Variants in MYH8 observed in about 807,000 individuals in gnomAD.
MYH8 encodes myosin heavy chain 8.
In MYH8, 168 loss-of-function variants were observed where a neutral mutation model predicts 233.2. The ratio of observed to expected loss-of-function variants is 0.72; its 90% CI spans 0.64 to 0.82. MYH8 has a LOEUF of 0.82. MYH8 is among the 40% of genes least tolerant of loss of function. The probability of loss-of-function intolerance (pLI) is 0.00; values close to 1 mark genes in which losing one functional copy is unlikely to be tolerated. For missense variants in MYH8, 1,995 were observed against 2,327.8 expected (o/e 0.86, Z 2.94); for synonymous variants, 785 against 850.6 (o/e 0.92, Z 1.34).
In MYH8 at chr17:10,395,181, T is replaced by G; in HGVS notation, c.4914A>C (p.Leu1638Phe). 1 of 1,614,122 alleles carries G rather than the reference T, an allele frequency of 6.2e-7. No homozygotes were observed. Among genetic ancestry groups the G allele is most frequent in the African/African-American group, 1.3e-5 (1 of 75,030 alleles). Reference sequence around the variant, plus strand: ...TGTAGTTCCTTAAACTCTCTGCAGCTAAGCGATTGGCATGGTTCAGCTGGA... The same window carrying G: ...TGTAGTTCCTTAAACTCTCTGCAGCGAAGCGATTGGCATGGTTCAGCTGGA... ...MEIQLNHANR[L>F]AAESLRNYRN... The change falls in exon 34 of 40, where the codon TTA becomes TTC. Residue 1638 changes from leucine to phenylalanine, a missense_variant. By Grantham distance (22) the Leu-to-Phe change is conservative. Coordinates refer to ENST00000403437, the MANE Select transcript of MYH8 (RefSeq NM_002472.3).
At chr17:10,395,009 A>T in intron 34 of MYH8, 124 bp downstream of exon 34, 2 of 1,061,274 alleles carry the variant, frequency 1.9e-6, no homozygotes, top group Non-Finnish European at 2.9e-6. Context: ...TAATTCAGTT[A>T]CCTTTGTGCG....
chr17:10,392,374 C>A (rs1230424276), intron 38 of MYH8, among the ~76,000 whole-genome samples, 168 bp downstream of exon 38: 1 of 152,166 alleles, frequency 6.6e-6, no homozygotes, highest in Non-Finnish European at 1.5e-5. Context: ...AATCTGAAGG[C>A]CTCCCTAAGT....
At chr17:10,404,823 G>A (rs994758673) in intron 21 of MYH8, among the ~76,000 whole-genome samples, 1 of 151,900 alleles carries the variant, frequency 6.6e-6, no homozygotes, top group African/African-American at 2.4e-5. Flanking sequence ...ATATGAGTAC[G>A]GTTCATATTG....
At position 10,409,296 on chromosome 17, in the gene MYH8, T is replaced by C. The variant is rs752012893; in HGVS notation, c.1880A>G (p.Tyr627Cys). The C allele has an allele frequency of 6.2e-7, 1 of 1,614,264 alleles. No homozygotes were observed. The highest frequency in any genetic ancestry group is 1.1e-5 in the South Asian group (1 of 91,086). ...GAAAGTACCTGCTTCAGCACTAGCA[T>C]ACGTGGAAAAGAGACTGGCTAGAGT... is the stretch of plus-strand genomic sequence containing the variant. The part of the protein sequence containing the change: ...MKTLASLFST[Y>C]ASAEADSSAK... Residue 627 changes from tyrosine (Y) to cysteine (C), a missense_variant, in exon 16 of 40, where the codon TAT becomes TGT. Physicochemically the swap from Tyr to Cys is radical, Grantham distance 194. Transcript: ENST00000403437.
chr17:10,415,728 C>A lies in MYH8; in HGVS notation c.512-20G>T. The stretch of plus-strand genomic sequence containing the variant: ...CTCGATCTGTGAAAGAATTCAAAAT[C>A]ATCCGTTAAAAAATGCATATTTAAT... On this transcript the variant is annotated intron_variant, in intron 5 of 39. Coordinates refer to ENST00000403437, the MANE Select transcript of MYH8 (RefSeq NM_002472.3). The surrounding 1 kb of genome is among the most constrained non-coding windows in gnomAD (Gnocchi z 4.1). The A allele has an allele frequency of 6.2e-7, 1 of 1,610,590 alleles. No homozygotes were observed. Among genetic ancestry groups the A allele is most frequent in the Non-Finnish European group, 8.5e-7 (1 of 1,177,722 alleles).
At chr17:10,418,502 C>T in intron 5 of MYH8, 143 bp downstream of exon 5, 2 of 1,459,888 alleles carry the variant, frequency 1.4e-6, no homozygotes, top group South Asian at 2.4e-5. Flanking sequence ...TAAGATGTCA[C>T]AGCTGTGAAA....
Position 10,396,334 on chromosome 17 carries a change from G to T in MYH8, c.4649C>A (p.Ala1550Glu), listed in dbSNP as rs1344875858. ...KCEIQAALEE[A>E]EASLEHEEGK... The stretch of plus-strand genomic sequence containing the variant: ...ATAATACAAGGTAATATGTACCTCT[G>T]CTTCCTCTAAAGCAGCCTGAATTTC... The change falls in exon 33 of 40, where the codon GCA becomes GAA. Residue 1550 changes from alanine (A) to glutamate (E), a missense_variant. Transcript: ENST00000403437. This position sits in a 1 kb window ranked among gnomAD's most constrained non-coding sequence, Gnocchi z 4.2. The T allele has an allele frequency of 6.2e-7, 1 of 1,613,780 alleles. No individual in the cohort carries two copies. The highest frequency in any genetic ancestry group is 8.5e-7 in the Non-Finnish European group (1 of 1,179,952).
chr17:10,398,723 C>G, intron 29 of MYH8, 45 bp downstream of exon 29: 1 of 1,612,732 alleles, frequency 6.2e-7, no homozygotes, highest in East Asian at 2.2e-5. Context: ...CCTAACTGGG[C>G]AGGTTTAGAT....
Position 10,390,452 on chromosome 17 carries a change from G to A in MYH8, c.*2C>T, listed in dbSNP as rs1190316794. ...CCTCTTGATAGCATCAGGCAGGTGT[G>A]TTTACTCTGCACTGATTTTTGTGTG... On this transcript the variant is annotated 3_prime_UTR_variant, in exon 40 of 40. Coordinates refer to ENST00000403437, the MANE Select transcript of MYH8 (RefSeq NM_002472.3). 2 of 1,613,188 alleles carry A rather than the reference G, an allele frequency of 1.2e-6. No individual in the cohort carries two copies. The highest frequency in any genetic ancestry group is 1.1e-5 in the South Asian group (1 of 91,050).
intron 39 of MYH8, 27 bp from the exon 40 acceptor site, chr17:10,390,630 A>G (rs763035436): frequency 1.2e-6 from 2 of 1,612,164 alleles, no homozygotes; most frequent in East Asian, 4.5e-5. Context: ...AATTGTGAGA[A>G]TTAGACTGTG....
At position 10,418,648 on chromosome 17, in the gene MYH8, T is replaced by C; in HGVS notation, c.508A>G (p.Thr170Ala). ...ISDNAYQFMLTDRENQSILIT... is the reference protein window; with the variant it reads ...ISDNAYQFMLADRENQSILIT... ...AATAGATGCCTCACTCACTCACCAGTCAACATGAACTGATAGGCATTGTCA... is the reference window on the plus strand; with the variant it reads ...AATAGATGCCTCACTCACTCACCAGCCAACATGAACTGATAGGCATTGTCA... Residue 170 changes from threonine (T) to alanine (A), a missense_variant, in exon 5 of 40, where the codon ACT (threonine) becomes GCT (alanine). This residue lies in a region of MYH8 where 479 missense variants were observed against 600.9 expected (regional missense o/e 0.80). Transcript: ENST00000403437. 1 of 1,613,910 alleles carries C rather than the reference T, an allele frequency of 6.2e-7. No individual in the cohort carries two copies. The highest frequency in any genetic ancestry group is 8.5e-7 in the Non-Finnish European group (1 of 1,179,866).
At position 10,392,790 on chromosome 17, in the gene MYH8, C is replaced by T. The variant is rs780175815; in HGVS notation, c.5463+41G>A. ...GAAGAGAGAAGGGTAGAGAGAGTGC[C>T]CTTTTTCCCTTCCCAGATTTAGAGA... On this transcript the variant is annotated intron_variant, in intron 37 of 39. Transcript: ENST00000403437. The T allele has an allele frequency of 5.6e-6, 9 of 1,614,092 alleles. No homozygotes were observed. In the South Asian group the frequency reaches 9.9e-5, roughly 18 times the overall value.
At position 10,412,680 on chromosome 17, in the gene MYH8, A is replaced by C; in HGVS notation, c.1196T>G (p.Leu399Arg). The C allele has an allele frequency of 6.2e-7, 1 of 1,614,220 alleles. No homozygotes were observed. Among genetic ancestry groups the C allele is most frequent in the East Asian group, 2.2e-5 (1 of 44,892 alleles). Residue 399 changes from leucine (L) to arginine (R), a missense_variant, in exon 13 of 40, where the codon CTC (leucine) becomes CGC (arginine). Transcript: ENST00000403437. ...YLQSLNSADL[L>R]KALCYPRVKV... ...GACCCTAGGGTAGCAGAGGGCTTTGAGTAGGTCTGCAGAGTTCAGACTCTG... is the reference window on the plus strand; with the variant it reads ...GACCCTAGGGTAGCAGAGGGCTTTGCGTAGGTCTGCAGAGTTCAGACTCTG...
At chr17:10,391,790 CTT>C in intron 39 of MYH8, 90 bp downstream of exon 39, 1 of 981,272 alleles carries the variant, frequency 1.0e-6, no homozygotes, top group Non-Finnish European at 1.7e-6. Flanking sequence ...TAGATTTTCA[CTT>C]TGTCTTCTTC....
In MYH8 at chr17:10,406,378, T is replaced by G. The variant is rs767246642; in HGVS notation, c.2191A>C (p.Ser731Arg). Residue 731 changes from serine (S) to arginine (R), a missense_variant, in exon 20 of 40, where the codon AGT becomes CGT. This residue lies in a region of MYH8 where 1,498 missense variants were observed against 1,680.9 expected (regional missense o/e 0.89). Coordinates refer to ENST00000403437, the MANE Select transcript of MYH8 (RefSeq NM_002472.3). The stretch of plus-strand genomic sequence containing the variant: ...ATGAACTGTCCCTCTGGAATAGCAC[T>G]TGCATTTAAAACCTTGTATCTGCTC... ...FKQRYKVLNA[S>R]AIPEGQFIDS... 2.5e-6 allele frequency: 4 copies of G among 1,614,048 alleles called. No individual in the cohort carries two copies. Among genetic ancestry groups the G allele is most frequent in the Admixed American group, 1.7e-5 (1 of 60,028 alleles).
At chr17:10,398,356 T>A (rs2072098069) in intron 30 of MYH8, 88 bp downstream of exon 30, 1 of 1,592,562 alleles carries the variant, frequency 6.3e-7, no homozygotes, top group Admixed American at 1.7e-5. Flanking sequence ...ACTCAATAAA[T>A]GTTAGCTTTT....
At chr17:10,397,031 G>T in intron 30 of MYH8, 45 bp from the exon 31 acceptor site, 2 of 1,599,446 alleles carry the variant, frequency 1.3e-6, no homozygotes, top group Non-Finnish European at 8.6e-7. Flanking sequence ...AAGACCAGAA[G>T]CAAAGTGATA....
chr17:10,397,562 T>C (rs561469543), intron 30 of MYH8, among the ~76,000 whole-genome samples: 197 of 152,350 alleles, frequency 1.3e-3, no homozygotes, highest in African/African-American at 4.6e-3. Context: ...GTGCTGCCAT[T>C]GTATGCGCCT....
chr17:10,397,819 G>A (rs1039899474), intron 30 of MYH8, among the ~76,000 whole-genome samples: 2 of 151,966 alleles, frequency 1.3e-5, no homozygotes, highest in Non-Finnish European at 2.9e-5. Flanking sequence ...CATTATAGTT[G>A]GACAATCTCT....
Sources: gnomAD v4.1 joint callset for allele counts (sites outside exome capture counted in the v4.1 genomes callset) on GRCh38, gnomAD v4.1.1 for gene constraint, gnomAD v4.1.1 regional missense constraint, Gnocchi (gnomAD v3.1) non-coding constraint, MANE v1.5 for transcripts, NCBI Gene and HGNC (gene_info 2026-07-23, HGNC 2026-07-21) for gene names.